The following NPHS1 variants were observed in gnomAD, a reference collection of about 807,000 sequenced individuals.
The protein encoded by NPHS1 is nephrin.
A neutral mutation model predicts 139.7 loss-of-function variants in NPHS1; 107 were observed. That is an observed-to-expected ratio of 0.77 (90% CI 0.66 to 0.90). NPHS1 has a LOEUF of 0.90. Ranked by LOEUF, NPHS1 falls within the 40% of genes least tolerant of loss-of-function variation. The pLI, the probability that NPHS1 is intolerant of heterozygous loss-of-function variation, is 0.00. For missense variants in NPHS1, 1,580 were observed against 1,654.2 expected, an observed-to-expected ratio of 0.96 and a Z score of 0.78; for synonymous variants, 707 against 706.6, an observed-to-expected ratio of 1.00 and a Z score of -0.01.
At position 35,843,564 on chromosome 19, in the gene NPHS1, G is replaced by T. The variant is rs746890379; in HGVS notation, c.2242C>A (p.Pro748Thr). Residue 748 changes from proline (P) to threonine (T), a missense_variant, in exon 17 of 29, where the codon CCC becomes ACC. Physicochemically the swap from Pro to Thr is conservative, Grantham distance 38. Transcript: ENST00000378910. ...GAACCCCCGACGTTCACCTCAGTGG[G>T]GTCCTGGAGGGCACGGATGGTGGGA... Reference protein sequence around the residue: ...YAPTIRALQDPTEVNVGGSVD... With the variant: ...YAPTIRALQDTTEVNVGGSVD... 1 of 1,614,150 alleles carries T rather than the reference G, an allele frequency of 6.2e-7. No individual in the cohort carries two copies. Among genetic ancestry groups the T allele is most frequent in the South Asian group, 1.1e-5 (1 of 91,088 alleles).
intron 17 of NPHS1, among the ~76,000 whole-genome samples, chr19:35,843,222 C>A (rs1973085970): frequency 6.6e-6 from 1 of 152,212 alleles, no homozygotes; most frequent in South Asian, 2.1e-4. Context: ...ACTCATTCAT[C>A]CACCTGTTCA....
intron 28 of NPHS1, among the ~76,000 whole-genome samples, chr19:35,827,814 G>A (rs1972817910): frequency 6.6e-6 from 1 of 152,172 alleles, no homozygotes; most frequent in South Asian, 2.1e-4. Flanking sequence ...CTACTTGGGA[G>A]GCTGAGGCAG....
Position 35,845,791 on chromosome 19 carries a change from TGGG to T in NPHS1, c.1632_1634del (p.Pro545del). 6.2e-7 allele frequency: 1 copy of T among 1,612,434 alleles called. No homozygotes were observed. Among genetic ancestry groups the T allele is most frequent in the Non-Finnish European group, 8.5e-7 (1 of 1,178,728 alleles). Reference sequence around the variant, plus strand: ...CGTTGGCCAGGATCGTCACGTTAGTTGGGGGAACTGGGAGACGGGGTTGGAGGA... The same window carrying T: ...CGTTGGCCAGGATCGTCACGTTAGTTGGAACTGGGAGACGGGGTTGGAGGA... On this transcript the variant is annotated inframe_deletion, in exon 13 of 29. Coordinates refer to ENST00000378910, the MANE Select transcript of NPHS1 (RefSeq NM_004646.4). This position sits in a 1 kb window ranked among gnomAD's most constrained non-coding sequence, Gnocchi z 5.5.
At chr19:35,848,950 G>A (rs1973186414) in intron 8 of NPHS1, 26 bp downstream of exon 8, 5 of 1,611,190 alleles carry the variant, frequency 3.1e-6, no homozygotes, top group African/African-American at 2.7e-5. Context: ...CAGACCGACA[G>A]GGGGGCAGCT....
chr19:35,839,493 C>T lies in NPHS1; in HGVS notation c.2927+3G>A, dbSNP rs367895986. On this transcript the variant is annotated splice_donor_region_variant and intron_variant, in intron 21 of 28. Coordinates refer to ENST00000378910, the MANE Select transcript of NPHS1 (RefSeq NM_004646.4). ...CTTCCCTCCTGCCTCGACAAGGACC[C>T]ACCTGATGCAGAACCTCTGTGGCAG... The T allele has an allele frequency of 4.3e-6, 7 of 1,613,838 alleles. No individual in the cohort carries two copies. In the African/African-American group the frequency reaches 9.3e-5, roughly 22 times the overall value.
Position 35,842,294 on chromosome 19 carries a change from G to A in NPHS1, c.2507-14C>T, listed in dbSNP as rs777015846. ...CCTGGGGGGCAACTGGGAGGGGATG[G>A]GCAGTCAACATGAGCTATGTGGGAG... On this transcript the variant is annotated splice_polypyrimidine_tract_variant and intron_variant, in intron 18 of 28. Coordinates refer to ENST00000378910, the MANE Select transcript of NPHS1 (RefSeq NM_004646.4). 13 of 1,612,166 alleles carry A rather than the reference G, an allele frequency of 8.1e-6. No individual in the cohort carries two copies. In the South Asian group the frequency reaches 8.8e-5, roughly 11 times the overall value.
intron 4 of NPHS1, among the ~76,000 whole-genome samples, chr19:35,850,681 C>T (rs1489556578): frequency 6.6e-6 from 1 of 152,156 alleles, no homozygotes; most frequent in Non-Finnish European, 1.5e-5. Flanking sequence ...TGGGTTGTAC[C>T]ATGCACCCTA....
chr19:35,848,882 G>T (rs1973185004), intron 8 of NPHS1, 88 bp from the exon 9 acceptor site: 1 of 1,610,034 alleles, frequency 6.2e-7, no homozygotes. Flanking sequence ...CAGATGCTGA[G>T]ATCTTTGGCA....
chr19:35,847,982 GGGGCCT>G, intron 11 of NPHS1, 53 bp downstream of exon 11: 1 of 1,571,232 alleles, frequency 6.4e-7, no homozygotes, highest in South Asian at 1.1e-5. Context: ...AAGGAGAGAA[GGGGCCT>G]GGTCCTTCCC....
chr19:35,832,886 CAAA>C (rs748346116), intron 23 of NPHS1, among the ~76,000 whole-genome samples: 2 of 45,424 alleles, frequency 4.4e-5, no homozygotes. Flanking sequence ...GACCCTGTCT[CAAA>C]AAAAAAAAAA....
intron 20 of NPHS1, among the ~76,000 whole-genome samples, chr19:35,841,375 A>G (rs1251095747): frequency 1.5e-5 from 2 of 135,764 alleles, no homozygotes; most frequent in Non-Finnish European, 3.0e-5. Context: ...CTCCATTTCA[A>G]CAACAACAAC....
At chr19:35,849,480 T>C in intron 6 of NPHS1, 70 bp downstream of exon 6, 1 of 1,597,930 alleles carries the variant, frequency 6.3e-7, no homozygotes. Context: ...ATAATCCCTG[T>C]GATCCCCCCA....
At chr19:35,832,644 C>T (rs1285918919) in intron 23 of NPHS1, among the ~76,000 whole-genome samples, 2 of 151,788 alleles carry the variant, frequency 1.3e-5, no homozygotes, top group African/African-American at 4.8e-5. Context: ...AATCCCAGCA[C>T]TCTGGGAGGC....
intron 19 of NPHS1, 44 bp downstream of exon 19, chr19:35,842,080 C>T: frequency 6.3e-7 from 1 of 1,583,992 alleles, no homozygotes. Flanking sequence ...GGCTGGAGGT[C>T]CAGACCTGGG....
intron 23 of NPHS1, among the ~76,000 whole-genome samples, chr19:35,834,198 C>T (rs959591281): frequency 5.3e-5 from 8 of 152,244 alleles, no homozygotes; most frequent in Middle Eastern, 3.4e-3. Context: ...ACAACTATGA[C>T]GGAATCAGCT....
chr19:35,837,378 A>G (rs1344794107), intron 22 of NPHS1, among the ~76,000 whole-genome samples: 1 of 152,084 alleles, frequency 6.6e-6, no homozygotes, highest in African/African-American at 2.4e-5. Flanking sequence ...CATTCCTGTT[A>G]TTGGTAACTT....
intron 4 of NPHS1, among the ~76,000 whole-genome samples, chr19:35,850,647 T>G (rs1311847393): frequency 6.6e-6 from 1 of 152,126 alleles, no homozygotes; most frequent in Non-Finnish European, 1.5e-5. Context: ...GTCCTGGGCC[T>G]CCCCGCTCTT....
rs374762576 is a variant in NPHS1, at chr19:35,839,511, T to C, written c.2912A>G (p.Gln971Arg). 47 of 1,613,950 alleles carry C rather than the reference T, an allele frequency of 2.9e-5. No individual in the cohort carries two copies. Among genetic ancestry groups the C allele is most frequent in the Non-Finnish European group, 3.5e-5 (41 of 1,179,972 alleles). Residue 971 changes from glutamine (Q) to arginine (R), a missense_variant, in exon 21 of 29, where the codon CAG becomes CGG. Coordinates refer to ENST00000378910, the MANE Select transcript of NPHS1 (RefSeq NM_004646.4). ...WKPGFDGGLP[Q>R]RFCIRYEALG... ...AAGGACCCACCTGATGCAGAACCTCTGTGGCAGGCCCCCATCAAAGCCAGG... is the reference window on the plus strand; with the variant it reads ...AAGGACCCACCTGATGCAGAACCTCCGTGGCAGGCCCCCATCAAAGCCAGG...
intron 20 of NPHS1, among the ~76,000 whole-genome samples, chr19:35,841,286 T>C (rs928126556): frequency 6.6e-6 from 1 of 151,914 alleles, no homozygotes; most frequent in African/African-American, 2.4e-5. Context: ...GATGAGAGAA[T>C]TGCTTGAATC....
Sources: gnomAD v4.1 joint callset for allele counts (sites outside exome capture counted in the v4.1 genomes callset) on GRCh38, gnomAD v4.1.1 for gene constraint, Gnocchi (gnomAD v3.1) non-coding constraint, MANE v1.5 for transcripts, NCBI Gene and HGNC (gene_info 2026-07-23, HGNC 2026-07-21) for gene names.